Variants in KLF12 observed in about 807,000 individuals in gnomAD.
The protein encoded by KLF12 is KLF transcription factor 12.
In KLF12, 9 loss-of-function variants were observed where a neutral mutation model predicts 37.8. The ratio of observed to expected loss-of-function variants is 0.24; its 90% CI spans 0.14 to 0.42. KLF12 has a LOEUF of 0.42. KLF12 is among the 10% of genes least tolerant of loss of function. The probability of loss-of-function intolerance (pLI) is 1.00; values close to 1 mark genes in which losing one functional copy is unlikely to be tolerated. For missense variants in KLF12, 411 were observed against 516.0 expected, an observed-to-expected ratio of 0.80 and a Z score of 1.97; for synonymous variants, 208 against 202.1, an observed-to-expected ratio of 1.03 and a Z score of -0.25.
At chr13:73,875,607 C>T (rs1366083138) in intron 3 of KLF12, among the ~76,000 whole-genome samples, 1 of 151,948 alleles carries the variant, frequency 6.6e-6, no homozygotes, top group Non-Finnish European at 1.5e-5. Context: ...ATGTTTATTC[C>T]ATTTACCCTA....
At chr13:73,940,790 T>C (rs1217679829) in intron 3 of KLF12, among the ~76,000 whole-genome samples, 1 of 152,088 alleles carries the variant, frequency 6.6e-6, no homozygotes, top group Admixed American at 6.5e-5. Context: ...TAAATCTCAT[T>C]AAGAGAATGA....
the KLF12 span, among the ~76,000 whole-genome samples, chr13:74,219,277 A>G: frequency 6.6e-6 from 1 of 152,176 alleles, no homozygotes; most frequent in Non-Finnish European, 1.5e-5. Context: ...ATTTTAACCC[A>G]TATTGGACCA....
At chr13:73,926,121 G>C (rs1889363481) in intron 3 of KLF12, among the ~76,000 whole-genome samples, 1 of 152,186 alleles carries the variant, frequency 6.6e-6, no homozygotes, top group Non-Finnish European at 1.5e-5. Context: ...GGGTTTGAGA[G>C]GACTGACTCC....
chr13:73,726,833 A>G (rs1876705415), intron 6 of KLF12, among the ~76,000 whole-genome samples: 1 of 152,232 alleles, frequency 6.6e-6, no homozygotes, highest in Non-Finnish European at 1.5e-5. Flanking sequence ...TCATACGATA[A>G]TTCTATGCTT....
chr13:74,215,518 G>A, the KLF12 span, among the ~76,000 whole-genome samples: 2 of 138,450 alleles, frequency 1.4e-5, no homozygotes, highest in Non-Finnish European at 3.0e-5. Context: ...AAAATTGGAT[G>A]CTTTCCTCAA....
At chr13:74,005,812 G>A (rs1025711993) in intron 1 of KLF12, among the ~76,000 whole-genome samples, 3 of 152,110 alleles carry the variant, frequency 2.0e-5, no homozygotes, top group African/African-American at 7.2e-5. Flanking sequence ...GACGGTTGCT[G>A]GTTGCTAACC....
intron 3 of KLF12, among the ~76,000 whole-genome samples, chr13:73,852,020 A>C (rs1885358298): frequency 3.3e-5 from 5 of 152,140 alleles, no homozygotes; most frequent in Admixed American, 3.3e-4. Context: ...TTCTTAAAAG[A>C]AGCATCCCGC....
rs59315484 is a variant in KLF12, at chr13:74,041,691, T to TACACACAC, written c.-31-46646_-31-46639dup. On this transcript the variant is annotated intron_variant, in intron 1 of 7. Coordinates refer to ENST00000377669, the MANE Select transcript of KLF12 (RefSeq NM_007249.5). ...TATGAAATTCCCCAGATCGCTGATT[T>TACACACAC]ACACACACACACACACACACACACA... Among the ~76,000 whole-genome samples the TACACACAC allele has an allele frequency of 4.8e-3, 685 of 142,352 alleles. 6 individuals carry two copies. Among genetic ancestry groups the TACACACAC allele is most frequent in the African/African-American group, 0.014 (525 of 38,234 alleles). The allele number at this position is 142,352 out of a possible 152,430, so 93.4% of individuals were successfully genotyped here.
At chr13:73,825,689 T>C (rs1239934383) in intron 4 of KLF12, among the ~76,000 whole-genome samples, 1 of 151,536 alleles carries the variant, frequency 6.6e-6, no homozygotes. Context: ...CTGTCTTTTG[T>C]AATATAAGGA....
chr13:74,289,887 G>A, the KLF12 span, among the ~76,000 whole-genome samples: 1 of 152,082 alleles, frequency 6.6e-6, no homozygotes, highest in South Asian at 2.1e-4. Flanking sequence ...ACCTTATATC[G>A]GAGCCCTCAT....
chr13:74,062,967 C>A (rs1170443857), intron 1 of KLF12, among the ~76,000 whole-genome samples: 1 of 152,288 alleles, frequency 6.6e-6, no homozygotes, highest in East Asian at 1.9e-4. Context: ...ATTACACAAG[C>A]CCTCATGCTT....
the KLF12 span, among the ~76,000 whole-genome samples, chr13:74,142,898 CA>C: frequency 1.3e-5 from 2 of 152,078 alleles, no homozygotes; most frequent in Non-Finnish European, 2.9e-5. Flanking sequence ...ATGCAGCTTC[CA>C]AGTTAGAATA....
At chr13:74,300,826 C>G in the KLF12 span, among the ~76,000 whole-genome samples, 18 of 152,230 alleles carry the variant, frequency 1.2e-4, no homozygotes, top group African/African-American at 4.3e-4. Context: ...GGGAAGTCAA[C>G]AGTTAGGCCT....
At position 74,030,811 on chromosome 13, in the gene KLF12, C is replaced by A. The variant is rs1045270993; in HGVS notation, c.-31-35758G>T. Reference sequence around the variant, plus strand: ...CTCATTACAATCACAAATTTTGACTCTTGATGTACCCCCTTGACATGAGGA... The same window carrying A: ...CTCATTACAATCACAAATTTTGACTATTGATGTACCCCCTTGACATGAGGA... On this transcript the variant is annotated intron_variant, in intron 1 of 7. Transcript: ENST00000377669. 2.0e-5 allele frequency among the ~76,000 whole-genome samples: 3 copies of A among 152,058 alleles called. No homozygotes were observed. The East Asian group carries it at 5.8e-4, about 29-fold the overall frequency.
At chr13:74,125,154 A>AT (rs1555274239) in intron 1 of KLF12, among the ~76,000 whole-genome samples, 66 of 143,286 alleles carry the variant, frequency 4.6e-4, no homozygotes, top group African/African-American at 1.6e-3. Flanking sequence ...CAAAAAAAAA[A>AT]ATATATATAT....
intron 2 of KLF12, among the ~76,000 whole-genome samples, chr13:73,954,627 A>G (rs1042692368): frequency 1.3e-5 from 2 of 152,242 alleles, no homozygotes; most frequent in Non-Finnish European, 2.9e-5. Flanking sequence ...GACACCTAAC[A>G]AGAATGGCCA....
At chr13:74,035,747 G>A (rs1293233134) in intron 1 of KLF12, among the ~76,000 whole-genome samples, 3 of 151,864 alleles carry the variant, frequency 2.0e-5, no homozygotes, top group African/African-American at 7.3e-5. Context: ...CCTTAAAAAT[G>A]GGTAAGTATC....
At chr13:73,904,469 C>CT (rs11342071) in intron 3 of KLF12, among the ~76,000 whole-genome samples, 3,583 of 91,878 alleles carry the variant, frequency 0.039, 121 homozygotes, top group Admixed American at 0.09. Flanking sequence ...TCTTTCTTTC[C>CT]TTTTTTTTTT....
intron 6 of KLF12, among the ~76,000 whole-genome samples, chr13:73,760,663 T>C (rs1165230984): frequency 6.6e-6 from 1 of 152,132 alleles, no homozygotes; most frequent in African/African-American, 2.4e-5. Context: ...TATGTTATCA[T>C]ACAAATAGCC....
Sources: allele counts gnomAD v4.1 joint callset (sites outside exome capture counted in the v4.1 genomes callset), GRCh38; gene constraint gnomAD v4.1.1; transcripts MANE v1.5; gene names NCBI Gene and HGNC (gene_info 2026-07-23, HGNC 2026-07-21).